CTNNA3: variants seen among roughly 807,000 people sequenced by gnomAD.
The protein encoded by CTNNA3 is catenin alpha 3, also known as catenin alpha-3.
Under a neutral mutation model 95.7 loss-of-function variants are expected in CTNNA3, and 76 were observed. That is an observed-to-expected ratio of 0.79 (90% CI 0.66 to 0.96). CTNNA3 has a LOEUF of 0.96. Among genes scored for constraint, CTNNA3 ranks in the 40% least tolerant of loss-of-function variants. CTNNA3 has a pLI of 0.00. For synonymous variants in CTNNA3, 431 were observed against 374.4 expected, an observed-to-expected ratio of 1.15 and a Z score of -1.74; for missense variants, 1,191 against 1,089.8, an observed-to-expected ratio of 1.09 and a Z score of -1.31.
At chr10:67,161,717 T>C (rs1861559190) in intron 7 of CTNNA3, among the ~76,000 whole-genome samples, 1 of 152,032 alleles carries the variant, frequency 6.6e-6, no homozygotes, top group African/African-American at 2.4e-5. Flanking sequence ...ATGGTCTAAA[T>C]ACACCAATTA....
chr10:66,784,454 C>T (rs1840660805), intron 7 of CTNNA3, among the ~76,000 whole-genome samples: 1 of 152,102 alleles, frequency 6.6e-6, no homozygotes. Context: ...CAGGATCTAA[C>T]TTATATACTG....
At chr10:66,829,692 GA>G (rs140759441) in intron 7 of CTNNA3, among the ~76,000 whole-genome samples, 19,515 of 145,374 alleles carry the variant, frequency 0.13, 1,764 homozygotes, top group African/African-American at 0.27. Flanking sequence ...TAACATTTTG[GA>G]AAAAAAAAAA....
chr10:67,060,558 C>T (rs748004085), intron 7 of CTNNA3, among the ~76,000 whole-genome samples: 2 of 152,194 alleles, frequency 1.3e-5, no homozygotes, highest in Non-Finnish European at 2.9e-5. Context: ...CCAGATAACA[C>T]ATTCTAGTTC....
chr10:67,575,381 A>G (rs1299943552), intron 3 of CTNNA3, among the ~76,000 whole-genome samples: 1 of 151,738 alleles, frequency 6.6e-6, no homozygotes, highest in Non-Finnish European at 1.5e-5. Flanking sequence ...CATTTTATTT[A>G]TCCTATGTCT....
At chr10:67,095,864 T>G (rs978839674) in intron 7 of CTNNA3, among the ~76,000 whole-genome samples, 9 of 152,024 alleles carry the variant, frequency 5.9e-5, no homozygotes, top group African/African-American at 2.2e-4. Flanking sequence ...GCACATTTAC[T>G]TTTACATAAA....
intron 1 of CTNNA3, among the ~76,000 whole-genome samples, chr10:67,721,897 T>G (rs2086053169): frequency 6.6e-6 from 1 of 152,180 alleles, no homozygotes; most frequent in Non-Finnish European, 1.5e-5. Flanking sequence ...TTCTTAGTTT[T>G]CCTTTTAACA....
chr10:67,464,171 C>G (rs966335121), intron 5 of CTNNA3, among the ~76,000 whole-genome samples: 1 of 152,158 alleles, frequency 6.6e-6, no homozygotes, highest in African/African-American at 2.4e-5. Flanking sequence ...TTCCTCTTCT[C>G]TTTTACAGAA....
intron 13 of CTNNA3, among the ~76,000 whole-genome samples, chr10:66,209,087 A>C (rs1184220217): frequency 6.6e-6 from 1 of 152,186 alleles, no homozygotes; most frequent in Non-Finnish European, 1.5e-5. Context: ...CCATCTTCTA[A>C]TGAGCTGGCT....
chr10:66,798,850 C>A lies in CTNNA3; in HGVS notation c.1048-23326G>T, dbSNP rs1841316874. Among the ~76,000 whole-genome samples, 3 of 151,678 alleles carry A rather than the reference C, an allele frequency of 2.0e-5. No individual in the cohort carries two copies. In the South Asian group the frequency reaches 6.2e-4, roughly 31 times the overall value. On this transcript the variant is annotated intron_variant, in intron 7 of 17. Transcript: ENST00000433211. ...AAAAGACATATGAGATAAAAACCTGCTAGACAACTACAATTTTTCTATAAA... is the reference window on the plus strand; with the variant it reads ...AAAAGACATATGAGATAAAAACCTGATAGACAACTACAATTTTTCTATAAA...
rs906432297 is a variant in CTNNA3 at position 66,063,545 on chromosome 10, T to C, written c.2159+5763A>G. Among the ~76,000 whole-genome samples the C allele has an allele frequency of 5.3e-5, 8 of 151,812 alleles. No individual in the cohort carries two copies. In the East Asian group the frequency reaches 1.5e-3, roughly 29 times the overall value. On this transcript the variant is annotated intron_variant, in intron 15 of 17. Transcript: ENST00000433211. Reference sequence around the variant, plus strand: ...ATTTCTTCCTCTTTCCCATGGTTCCTAGATCAAAAGATTCCTATACGCCAC... The same window carrying C: ...ATTTCTTCCTCTTTCCCATGGTTCCCAGATCAAAAGATTCCTATACGCCAC...
rs547726480 is a variant in CTNNA3 at position 67,761,883 on chromosome 10, A to C, written c.-2+1551T>G. ...ACAGAGCAAGACTCCGTCAAAAAAA[A>C]AAAAAAGAACAGAAACAGGGAGTGG... On this transcript the variant is annotated intron_variant, in intron 1 of 17. Coordinates refer to the CTNNA3 transcript ENST00000684154. 1.5e-3 allele frequency among the ~76,000 whole-genome samples: 231 copies of C among 152,068 alleles called. 2 individuals are homozygous for C. Among genetic ancestry groups the C allele is most frequent in the Non-Finnish European group, 2.5e-3 (171 of 67,968 alleles).
chr10:67,610,290 A>AT (rs1843416515), intron 2 of CTNNA3, among the ~76,000 whole-genome samples: 1 of 152,250 alleles, frequency 6.6e-6, no homozygotes, highest in Admixed American at 6.5e-5. Flanking sequence ...GAAGTAAGAA[A>AT]TGTGAAAAGA....
rs79237545 is a variant in CTNNA3, at chr10:66,422,682, C to T, written c.1532-43330G>A. ...GTTTATTTTTCAACATTGCAGATAT[C>T]GCTTTGATTTTTTCCATATCAATCT... On this transcript the variant is annotated intron_variant, in intron 11 of 17. Transcript: ENST00000433211. 7.5e-3 allele frequency among the ~76,000 whole-genome samples: 1,146 copies of T among 152,040 alleles called. 41 individuals are homozygous for T. The highest frequency in any genetic ancestry group is 0.056 in the Admixed American group (849 of 15,250).
intron 13 of CTNNA3, among the ~76,000 whole-genome samples, chr10:66,238,561 C>T (rs2089968483): frequency 1.3e-5 from 2 of 151,666 alleles, no homozygotes; most frequent in Admixed American, 1.3e-4. Context: ...AAATAGCATG[C>T]GATGACTAAC....
intron 5 of CTNNA3, among the ~76,000 whole-genome samples, chr10:67,496,473 G>T (rs1220843756): frequency 6.6e-6 from 1 of 151,874 alleles, no homozygotes; most frequent in Admixed American, 6.6e-5. Flanking sequence ...CTTCCAAATT[G>T]TTGCATGATA....
intron 7 of CTNNA3, among the ~76,000 whole-genome samples, chr10:67,033,482 TACTGTATACTGTAC>T (rs1295333667): frequency 6.6e-6 from 1 of 152,232 alleles, no homozygotes; most frequent in Non-Finnish European, 1.5e-5. Context: ...TGAAAACCAT[TACTGTATACTGTAC>T]CAATACACGA....
At chr10:67,716,848 T>C (rs1232812798) in intron 1 of CTNNA3, among the ~76,000 whole-genome samples, 1 of 152,214 alleles carries the variant, frequency 6.6e-6, no homozygotes, top group Non-Finnish European at 1.5e-5. Flanking sequence ...GTAAAAGGAT[T>C]GCTGGGTCAA....
intron 7 of CTNNA3, among the ~76,000 whole-genome samples, chr10:66,983,666 G>C (rs1276445729): frequency 6.6e-6 from 1 of 152,144 alleles, no homozygotes; most frequent in Non-Finnish European, 1.5e-5. Context: ...AACAGCTTCA[G>C]AAATGACCTC....
At chr10:66,004,628 C>A (rs181220679) in intron 15 of CTNNA3, among the ~76,000 whole-genome samples, 2 of 152,252 alleles carry the variant, frequency 1.3e-5, no homozygotes, top group Admixed American at 1.3e-4. Context: ...AGGACTTCAG[C>A]CTATTTTGTG....
Sources: gnomAD v4.1 joint callset for allele counts (sites outside exome capture counted in the v4.1 genomes callset) on GRCh38, gnomAD v4.1.1 for gene constraint, MANE v1.5 for transcripts, NCBI Gene and HGNC (gene_info 2026-07-23, HGNC 2026-07-21) for gene names.